SULT1B1: variants seen among roughly 807,000 people sequenced by gnomAD.
The protein encoded by SULT1B1 is sulfotransferase family 1B member 1.
In SULT1B1, 28 loss-of-function variants were observed where a neutral mutation model predicts 34.6. That is an observed-to-expected ratio of 0.81 (90% CI 0.60 to 1.11). SULT1B1 has a LOEUF of 1.11. Ranked by LOEUF, SULT1B1 falls within the 50% of genes least tolerant of loss-of-function variation. The probability of loss-of-function intolerance (pLI) is 0.00; values close to 1 mark genes in which losing one functional copy is unlikely to be tolerated. For missense variants in SULT1B1, 374 were observed against 352.2 expected (o/e 1.06, Z -0.50); for synonymous variants, 147 against 110.2 (o/e 1.33, Z -2.09).
chr4:69,722,391 A>G lies in SULT1B1; in HGVS notation c.*4697T>C, dbSNP rs1717684423. On this transcript the variant is annotated 3_prime_UTR_variant, in exon 8 of 8. Coordinates refer to ENST00000310613, the MANE Select transcript of SULT1B1 (RefSeq NM_014465.4). ...TCAGTAATAGACCATAGTATCAGAAATCCGTATATATTCAGGCCACATTAA... is the reference window on the plus strand; with the variant it reads ...TCAGTAATAGACCATAGTATCAGAAGTCCGTATATATTCAGGCCACATTAA... The G allele has an allele frequency of 6.6e-6, 1 of 152,140 alleles. No homozygotes were observed. Among genetic ancestry groups the G allele is most frequent in the South Asian group, 2.1e-4 (1 of 4,828 alleles). The allele number at this position is 152,140 out of a possible 1,614,324, so 9.4% of individuals were successfully genotyped here. A position where few individuals can be genotyped will look rare whatever the true frequency, so the allele number is the denominator to read the frequency against.
chr4:69,729,430 A>G (rs891786171), intron 7 of SULT1B1, among the ~76,000 whole-genome samples: 2 of 152,080 alleles, frequency 1.3e-5, no homozygotes. Context: ...ATACACATAC[A>G]TTTACATCTG....
In SULT1B1 at chr4:69,722,468, T is replaced by C. The variant is rs1011596548; in HGVS notation, c.*4620A>G. The C allele has an allele frequency of 6.6e-6, 1 of 152,160 alleles. No individual in the cohort carries two copies. Among genetic ancestry groups the C allele is most frequent in the Non-Finnish European group, 1.5e-5 (1 of 68,028 alleles). 9.4% of individuals were successfully genotyped at this position (152,160 alleles called of 1,614,324 possible). A position where few individuals can be genotyped will look rare whatever the true frequency, so the allele number is the denominator to read the frequency against. Reference sequence around the variant, plus strand: ...GAAATAGATACATGATTTAGTTTACTTCTCGTGGACAAGGGTATTGGAGAA... The same window carrying C: ...GAAATAGATACATGATTTAGTTTACCTCTCGTGGACAAGGGTATTGGAGAA... On this transcript the variant is annotated 3_prime_UTR_variant, in exon 8 of 8. Transcript: ENST00000310613.
rs767674285 is a variant in SULT1B1 at position 69,755,171 on chromosome 4, T to C, written c.47A>G (p.His16Arg). ...AAAAGCACAGGTCATGGGATAACCA[T>C]GGACCAACTTCAGATCTTTTCGCAG... is the stretch of plus-strand genomic sequence containing the variant. ...DILRKDLKLVHGYPMTCAFAS... is the reference protein window; with the variant it reads ...DILRKDLKLVRGYPMTCAFAS... Residue 16 changes from histidine to arginine, a missense_variant, in exon 2 of 8, where the codon CAT (histidine) becomes CGT (arginine). By Grantham distance (29) the His-to-Arg change is conservative (BLOSUM62 0). Coordinates refer to ENST00000310613, the MANE Select transcript of SULT1B1 (RefSeq NM_014465.4). The C allele has an allele frequency of 3.1e-6, 5 of 1,613,878 alleles. No homozygotes were observed. Among genetic ancestry groups the C allele is most frequent in the Non-Finnish European group, 3.4e-6 (4 of 1,179,738 alleles).
At chr4:69,738,507 C>G (rs1261962200) in intron 4 of SULT1B1, among the ~76,000 whole-genome samples, 2 of 152,174 alleles carry the variant, frequency 1.3e-5, no homozygotes, top group African/African-American at 4.8e-5. Context: ...TCTGAGAACT[C>G]ACTCACTATC....
intron 4 of SULT1B1, 91 bp downstream of exon 4, chr4:69,749,630 A>C (rs1457295758): frequency 6.3e-5 from 59 of 939,860 alleles, no homozygotes; most frequent in Non-Finnish European, 5.0e-6. Context: ...TATATGGTTA[A>C]AGAAACAAAA....
At chr4:69,751,026 A>C (rs1477669597) in intron 3 of SULT1B1, among the ~76,000 whole-genome samples, 1 of 152,234 alleles carries the variant, frequency 6.6e-6, no homozygotes, top group Non-Finnish European at 1.5e-5. Context: ...GAAAGTACTT[A>C]CATACTTAAT....
Position 69,730,567 on chromosome 4 carries a change from A to C in SULT1B1, c.712T>G (p.Leu238Val), listed in dbSNP as rs567371342. 13 of 1,613,208 alleles carry C rather than the reference A, an allele frequency of 8.1e-6. 1 individual carries two copies. Among genetic ancestry groups the C allele is most frequent in the Middle Eastern group, 1.7e-4 (1 of 6,050 alleles). The change falls in exon 7 of 8, where the codon TTG becomes GTG. Residue 238 changes from leucine to valine, a missense_variant. Coordinates refer to ENST00000310613, the MANE Select transcript of SULT1B1 (RefSeq NM_014465.4). Reference protein sequence around the residue: ...TSFEVMKDNPLVNYTHLPTTV... With the variant: ...TSFEVMKDNPVVNYTHLPTTV... Reference sequence around the variant, plus strand: ...GTTGGTAGATGTGTATAATTTACCAAAGGATTGTCCTTCATCACTTCAAAT... The same window carrying C: ...GTTGGTAGATGTGTATAATTTACCACAGGATTGTCCTTCATCACTTCAAAT...
In SULT1B1 at chr4:69,754,748, T is replaced by A. The variant is rs1270167084; in HGVS notation, c.199A>T (p.Ile67Phe). ...ATAAAACCTCGCTTACATTTTTCAATATCTCCATCATTTAGAATCATGTCT... is the reference window on the plus strand; with the variant it reads ...ATAAAACCTCGCTTACATTTTTCAAAATCTCCATCATTTAGAATCATGTCT... The part of the protein sequence containing the change: ...IIDMILNDGD[I>F]EKCKRGFITE... The change falls in exon 3 of 8, where the codon ATT becomes TTT. Residue 67 changes from isoleucine (I) to phenylalanine (F), a missense_variant. Transcript: ENST00000310613. 1.2e-6 allele frequency: 2 copies of A among 1,613,046 alleles called. No homozygotes were observed. Among genetic ancestry groups the A allele is most frequent in the Non-Finnish European group, 1.7e-6 (2 of 1,179,324 alleles).
At chr4:69,729,561 T>C (rs1277316916) in intron 7 of SULT1B1, among the ~76,000 whole-genome samples, 1 of 152,144 alleles carries the variant, frequency 6.6e-6, no homozygotes, top group East Asian at 1.9e-4. Flanking sequence ...TTTAATAGGT[T>C]AAATATATTG....
At chr4:69,733,037 T>C (rs997324134) in intron 6 of SULT1B1, among the ~76,000 whole-genome samples, 9 of 151,954 alleles carry the variant, frequency 5.9e-5, no homozygotes, top group Non-Finnish European at 1.0e-4. Context: ...ACATAAATAG[T>C]TGTGAAAACA....
intron 1 of SULT1B1, among the ~76,000 whole-genome samples, chr4:69,756,076 C>T (rs1394669798): frequency 1.3e-5 from 2 of 152,144 alleles, no homozygotes; most frequent in Non-Finnish European, 2.9e-5. Flanking sequence ...TTACTCCTAT[C>T]CAGTGTATTT....
At chr4:69,738,840 C>G (rs1281324568) in intron 4 of SULT1B1, among the ~76,000 whole-genome samples, 1 of 152,116 alleles carries the variant, frequency 6.6e-6, no homozygotes, top group Admixed American at 6.6e-5. Flanking sequence ...TTACTAGATA[C>G]AGTGGGAGTA....
In SULT1B1 at chr4:69,726,925, C is replaced by G. The variant is rs1357460106; in HGVS notation, c.*163G>C. The G allele has an allele frequency of 4.1e-6, 2 of 489,912 alleles. No homozygotes were observed. Among genetic ancestry groups the G allele is most frequent in the East Asian group, 7.1e-5 (2 of 28,194 alleles). 30.3% of individuals were successfully genotyped at this position (489,912 alleles called of 1,614,324 possible). On this transcript the variant is annotated 3_prime_UTR_variant, in exon 8 of 8. Transcript: ENST00000310613. Reference sequence around the variant, plus strand: ...ATTTGGAAACTCAGAATCAAAGGAACAAAACTGGGATCTGATTAATAACAT... The same window carrying G: ...ATTTGGAAACTCAGAATCAAAGGAAGAAAACTGGGATCTGATTAATAACAT...
Position 69,727,265 on chromosome 4 carries a change from C to G in SULT1B1, c.779-65G>C, listed in dbSNP as rs1419173749. 9.3e-6 allele frequency: 12 copies of G among 1,285,604 alleles called. No homozygotes were observed. The South Asian group carries it at 1.5e-4, about 17-fold the overall frequency. 79.6% of individuals were successfully genotyped at this position (1,285,604 alleles called of 1,614,324 possible). ...TTCCATAAGAAGAAATCAGTATATA[C>G]CAAAGGAAAAGATTAGAAGGCCTAA... On this transcript the variant is annotated intron_variant, in intron 7 of 7. Transcript: ENST00000310613.
intron 1 of SULT1B1, among the ~76,000 whole-genome samples, chr4:69,756,727 C>T (rs1719205311): frequency 6.6e-6 from 1 of 152,092 alleles, no homozygotes; most frequent in East Asian, 1.9e-4. Flanking sequence ...TTCCAGGTCA[C>T]CCTACATATC....
At chr4:69,755,805 C>T (rs928741012) in intron 1 of SULT1B1, among the ~76,000 whole-genome samples, 1 of 152,044 alleles carries the variant, frequency 6.6e-6, no homozygotes, top group Non-Finnish European at 1.5e-5. Flanking sequence ...CTTTATTGAG[C>T]TTCTTGAAAT....
intron 1 of SULT1B1, among the ~76,000 whole-genome samples, chr4:69,759,413 G>A (rs929052493): frequency 1.3e-5 from 2 of 152,160 alleles, no homozygotes; most frequent in African/African-American, 2.4e-5. Context: ...AAAATCCCCC[G>A]TGACAAAAAG....
chr4:69,754,033 A>G (rs918751987), intron 3 of SULT1B1, among the ~76,000 whole-genome samples: 8 of 152,170 alleles, frequency 5.3e-5, no homozygotes, highest in African/African-American at 1.4e-4. Flanking sequence ...CCTTTGCTCA[A>G]TTAAACTCAT....
chr4:69,755,602 G>A (rs1021970982), intron 1 of SULT1B1, among the ~76,000 whole-genome samples: 1 of 152,178 alleles, frequency 6.6e-6, no homozygotes, highest in African/African-American at 2.4e-5. Flanking sequence ...TAAGACTTCA[G>A]CTACACGTCA....
Sources: gnomAD v4.1 joint callset for allele counts (sites outside exome capture counted in the v4.1 genomes callset) on GRCh38, gnomAD v4.1.1 for gene constraint, MANE v1.5 for transcripts, NCBI Gene and HGNC (gene_info 2026-07-23, HGNC 2026-07-21) for gene names.